Variants in AOPEP observed in about 807,000 individuals in gnomAD.
The protein encoded by AOPEP is aminopeptidase O (putative), also known as aminopeptidase O.
In AOPEP, 77 loss-of-function variants were observed where a neutral mutation model predicts 98.1. The ratio of observed to expected loss-of-function variants is 0.78; its 90% CI spans 0.65 to 0.95. AOPEP has a LOEUF of 0.95. Among genes scored for constraint, AOPEP ranks in the 40% least tolerant of loss-of-function variants. AOPEP has a pLI of 0.00. For missense variants in AOPEP, 1,024 were observed against 1,024.7 expected (o/e 1.00, Z 0.01); for synonymous variants, 346 against 365.3 (o/e 0.95, Z 0.60).
At chr9:95,054,512 T>A (rs980884749) in intron 13 of AOPEP, among the ~76,000 whole-genome samples, 1 of 152,234 alleles carries the variant, frequency 6.6e-6, no homozygotes, top group Non-Finnish European at 1.5e-5. Context: ...GTTAGGGGAA[T>A]AATAGCACGG....
At chr9:95,131,468 A>C in the AOPEP span, among the ~76,000 whole-genome samples, 1 of 152,090 alleles carries the variant, frequency 6.6e-6, no homozygotes. Context: ...CTGCAATTCC[A>C]TTGCAAGGAA....
At chr9:94,994,739 G>C (rs998595742) in intron 11 of AOPEP, among the ~76,000 whole-genome samples, 1 of 152,106 alleles carries the variant, frequency 6.6e-6, no homozygotes, top group African/African-American at 2.4e-5. Context: ...ATCACCTGAG[G>C]TCAGGAGTTC....
intron 5 of AOPEP, among the ~76,000 whole-genome samples, chr9:94,919,579 A>G (rs2053303834): frequency 6.6e-6 from 1 of 152,144 alleles, no homozygotes; most frequent in Non-Finnish European, 1.5e-5. Flanking sequence ...GCAGGGGCTG[A>G]GAGTTCGGCT....
chr9:95,055,719 T>C (rs2066758206), intron 13 of AOPEP, among the ~76,000 whole-genome samples: 1 of 152,184 alleles, frequency 6.6e-6, no homozygotes, highest in Non-Finnish European at 1.5e-5. Context: ...AAAGATATTT[T>C]ATGTCAGTGG....
chr9:94,838,031 C>T (rs749623401), intron 5 of AOPEP, among the ~76,000 whole-genome samples: 16 of 151,690 alleles, frequency 1.1e-4, no homozygotes, highest in East Asian at 5.8e-4. Context: ...TTTTTTTTGA[C>T]GGAGTCTTGC....
intron 5 of AOPEP, among the ~76,000 whole-genome samples, chr9:94,838,741 T>A (rs941639961): frequency 6.6e-6 from 1 of 152,196 alleles, no homozygotes; most frequent in Non-Finnish European, 1.5e-5. Flanking sequence ...TTACTTTGAA[T>A]CTTTTGATCC....
chr9:94,873,765 C>G (rs1216735968), intron 5 of AOPEP, among the ~76,000 whole-genome samples: 2 of 151,990 alleles, frequency 1.3e-5, no homozygotes, highest in East Asian at 3.9e-4. Flanking sequence ...TTTCAAGCAA[C>G]TTCTTTGATA....
intron 6 of AOPEP, among the ~76,000 whole-genome samples, chr9:94,924,653 T>A (rs2054042644): frequency 6.6e-6 from 1 of 152,084 alleles, no homozygotes; most frequent in African/African-American, 2.4e-5. Flanking sequence ...TGCTCACAAG[T>A]AGTGAATGAA....
At chr9:94,956,194 C>T (rs1027012239) in intron 9 of AOPEP, among the ~76,000 whole-genome samples, 179 bp downstream of exon 9, 1 of 152,184 alleles carries the variant, frequency 6.6e-6, no homozygotes, top group Non-Finnish European at 1.5e-5. Context: ...GGTGATCTCT[C>T]TGTAGTTTTG....
the AOPEP span, chr9:95,149,885 A>G: frequency 1.9e-6 from 3 of 1,564,358 alleles, 1 homozygote; most frequent in South Asian, 3.5e-5. Flanking sequence ...AAGAAAAGGA[A>G]AAACGACGCA....
chr9:95,118,282 G>T, the AOPEP span, among the ~76,000 whole-genome samples: 1 of 152,216 alleles, frequency 6.6e-6, no homozygotes, highest in African/African-American at 2.4e-5. Context: ...GCCTCCCAAA[G>T]TGCTGGGGTT....
intron 2 of AOPEP, 88 bp from the exon 3 acceptor site, chr9:94,772,914 A>G: frequency 7.8e-7 from 1 of 1,275,166 alleles, no homozygotes; most frequent in South Asian, 1.9e-5. Context: ...TTGAAAGCTC[A>G]ACTTAACCTG....
At chr9:94,877,026 C>T (rs1437407875) in intron 5 of AOPEP, among the ~76,000 whole-genome samples, 1 of 152,086 alleles carries the variant, frequency 6.6e-6, no homozygotes, top group Non-Finnish European at 1.5e-5. Flanking sequence ...CCCCAGGAGC[C>T]CCACCGGAGT....
chr9:95,076,015 C>T (rs1032041967), intron 14 of AOPEP, among the ~76,000 whole-genome samples: 16 of 152,370 alleles, frequency 1.1e-4, no homozygotes, highest in African/African-American at 3.8e-4. Context: ...CAGAAATAGC[C>T]TCACACCTCT....
At chr9:94,838,373 A>G (rs1354653155) in intron 5 of AOPEP, among the ~76,000 whole-genome samples, 2 of 152,330 alleles carry the variant, frequency 1.3e-5, no homozygotes, top group African/African-American at 2.4e-5. Context: ...GAATTGCCTT[A>G]GCATCTTTAT....
intron 14 of AOPEP, among the ~76,000 whole-genome samples, chr9:95,075,139 G>A (rs190255387): frequency 1.3e-5 from 2 of 152,310 alleles, no homozygotes; most frequent in East Asian, 3.9e-4. Flanking sequence ...TCTGCGGTCT[G>A]GGTCTGTGTA....
intron 2 of AOPEP, among the ~76,000 whole-genome samples, chr9:94,768,648 C>T (rs188825887): frequency 4.5e-4 from 69 of 152,316 alleles, no homozygotes; most frequent in Admixed American, 4.1e-3. Context: ...GGCAGCAAGC[C>T]GTGGACCTGT....
intron 14 of AOPEP, among the ~76,000 whole-genome samples, chr9:95,075,035 T>G (rs2068901007): frequency 6.6e-6 from 1 of 152,194 alleles, no homozygotes; most frequent in East Asian, 1.9e-4. Context: ...TGTCCCTGTT[T>G]CCCTTCTGCC....
intron 5 of AOPEP, among the ~76,000 whole-genome samples, chr9:94,803,074 A>G (rs72746536): frequency 0.071 from 10,736 of 152,174 alleles, 1,099 homozygotes; most frequent in African/African-American, 0.23. Context: ...TAGAACAAAA[A>G]CGATGGTTTT....
Sources: gnomAD v4.1 joint callset for allele counts (sites outside exome capture counted in the v4.1 genomes callset) on GRCh38, gnomAD v4.1.1 for gene constraint, MANE v1.5 for transcripts, NCBI Gene and HGNC (gene_info 2026-07-23, HGNC 2026-07-21) for gene names.